Variants in DHX37 observed in about 807,000 individuals in gnomAD.
The protein encoded by DHX37 is DEAH-box helicase 37, also known as probable ATP-dependent RNA helicase DHX37.
DHX37 carries 52 observed loss-of-function variants against 134.3 expected under a neutral mutation model. The observed-to-expected ratio is 0.39, with a 90% CI of 0.31 to 0.49. The LOEUF (loss-of-function observed/expected upper bound fraction) is 0.49. Among genes scored for constraint, DHX37 ranks in the 20% least tolerant of loss-of-function variants. The pLI is 0.93. For missense variants in DHX37, 1,344 were observed against 1,580.8 expected, an observed-to-expected ratio of 0.85 and a Z score of 2.54; for synonymous variants, 634 against 670.7, an observed-to-expected ratio of 0.95 and a Z score of 0.85.
Position 124,947,609 on chromosome 12 carries a change from G to C in DHX37, c.*193C>G. The C allele has an allele frequency of 1.6e-6, 1 of 634,586 alleles. No homozygotes were observed. Among genetic ancestry groups the C allele is most frequent in the South Asian group, 2.6e-5 (1 of 38,980 alleles). 39.3% of individuals were successfully genotyped at this position (634,586 alleles called of 1,614,324 possible). On this transcript the variant is annotated 3_prime_UTR_variant, in exon 27 of 27. Coordinates refer to ENST00000308736, the MANE Select transcript of DHX37 (RefSeq NM_032656.4). The stretch of plus-strand genomic sequence containing the variant: ...ATAAACAGTTCAAAAAGTCACCCCC[G>C]GGCCAGATGGCACGGGCGGCAGCAC...
chr12:124,954,010 A>G lies in DHX37; in HGVS notation c.2579-14T>C. On this transcript the variant is annotated splice_polypyrimidine_tract_variant and intron_variant, in intron 19 of 26. Transcript: ENST00000308736. ...CTCCCACGGCGCCTGGGGAACGAAG[A>G]GGGGGCATGCTCTCTCTCTGACCCA... 1 of 1,613,566 alleles carries G rather than the reference A, an allele frequency of 6.2e-7. No homozygotes were observed. Among genetic ancestry groups the G allele is most frequent in the East Asian group, 2.2e-5 (1 of 44,870 alleles).
chr12:124,971,216 G>A, intron 8 of DHX37, 86 bp downstream of exon 8: 2 of 1,539,354 alleles, frequency 1.3e-6, no homozygotes, highest in Non-Finnish European at 1.8e-6. Context: ...GGTACAACGG[G>A]GAACAGGTGA....
rs138599211 is a variant in DHX37, at chr12:124,950,227, C to T, written c.3138G>A (p.Pro1046=). The change falls in exon 24 of 27, where the codon CCG becomes CCA. Residue 1046 remains proline, a synonymous_variant. Transcript: ENST00000308736. ...RASVFYRVGW[P]LPAIEVDFPE... ...GAAAATCCACCTCGATGGCGGGGAG[C>T]GGCCAGCCCACGCGATCTAGAAGGT... 1.2e-5 allele frequency: 19 copies of T among 1,613,630 alleles called. No homozygotes were observed. The highest frequency in any genetic ancestry group is 1.4e-5 in the Non-Finnish European group (16 of 1,180,034).
intron 13 of DHX37, among the ~76,000 whole-genome samples, chr12:124,965,351 T>G (rs2135946238): frequency 6.6e-6 from 1 of 152,322 alleles, no homozygotes; most frequent in Admixed American, 6.5e-5. Context: ...TACTCTCTGC[T>G]GCCCCACTCA....
At chr12:124,981,641 G>A (rs111838857) in intron 3 of DHX37, among the ~76,000 whole-genome samples, 3,591 of 151,910 alleles carry the variant, frequency 0.024, 122 homozygotes, top group African/African-American at 0.081. Flanking sequence ...CACCATGTTG[G>A]CCATGCTAGT....
chr12:124,980,562 T>C lies in DHX37; in HGVS notation c.666A>G (p.Ala222=). The C allele has an allele frequency of 1.2e-6, 2 of 1,612,038 alleles. No homozygotes were observed. The highest frequency in any genetic ancestry group is 1.7e-6 in the Non-Finnish European group (2 of 1,179,824). ...CCAGGGCCCTGGGCAGTGGTGGGGCTGCAGCTGGAGGAGGAGGAACAGTCA... is the reference window on the plus strand; with the variant it reads ...CCAGGGCCCTGGGCAGTGGTGGGGCCGCAGCTGGAGGAGGAGGAACAGTCA... ...AGMTVPPPPA[A]APPLPRALAK... Residue 222 remains alanine (A), a synonymous_variant, in exon 4 of 27, where the codon GCA becomes GCG. Transcript: ENST00000308736. The surrounding 1 kb of genome is among the most constrained non-coding windows in gnomAD (Gnocchi z 5.3).
rs2135931268 is a variant in DHX37, at chr12:124,954,128, T to C, written c.2537A>G (p.Gln846Arg). ...VAQMKRTWAG[Q>R]GASLKLGDLM... Reference sequence around the variant, plus strand: ...GTCGCCGAGCTTCAGAGAAGCCCCCTGCCCTGCCCAGGTCCTCTTCATCTG... The same window carrying C: ...GTCGCCGAGCTTCAGAGAAGCCCCCCGCCCTGCCCAGGTCCTCTTCATCTG... The change falls in exon 19 of 27, where the codon CAG (glutamine) becomes CGG (arginine). Residue 846 changes from glutamine to arginine, a missense_variant. Physicochemically the swap from Gln to Arg is conservative, Grantham distance 43. Coordinates refer to ENST00000308736, the MANE Select transcript of DHX37 (RefSeq NM_032656.4). 12 of 1,612,500 alleles carry C rather than the reference T, an allele frequency of 7.4e-6. No homozygotes were observed. Among genetic ancestry groups the C allele is most frequent in the Non-Finnish European group, 1.0e-5 (12 of 1,179,282 alleles).
chr12:124,965,686 C>T lies in DHX37; in HGVS notation c.1717G>A (p.Asp573Asn). 6.2e-7 allele frequency: 1 copy of T among 1,609,560 alleles called. No individual in the cohort carries two copies. The highest frequency in any genetic ancestry group is 8.5e-7 in the Non-Finnish European group (1 of 1,177,650). ...GCCACACCTCCATCTTGCCCGCCATCCCCCAGGTCCAGATCGAGGTCGGAG... is the reference window on the plus strand; with the variant it reads ...GCCACACCTCCATCTTGCCCGCCATTCCCCAGGTCCAGATCGAGGTCGGAG... ...LDSDLDLDLG[D>N]GGQDGGEQPD... The change falls in exon 13 of 27, where the codon GAT becomes AAT. Residue 573 changes from aspartate (D) to asparagine (N), a missense_variant. Around this residue, in one of 7 missense-constraint regions of DHX37, gnomAD observed 289 missense variants for 323.8 expected, o/e 0.89. Transcript: ENST00000308736.
At chr12:124,983,596 C>T (rs982135918) in intron 2 of DHX37, among the ~76,000 whole-genome samples, 2 of 151,776 alleles carry the variant, frequency 1.3e-5, no homozygotes, top group African/African-American at 4.8e-5. Flanking sequence ...ACCAACCTAA[C>T]CAACATGGTG....
At position 124,971,429 on chromosome 12, in the gene DHX37, C is replaced by T. The variant is rs373496145; in HGVS notation, c.1078-14G>A. 213 of 1,611,374 alleles carry T rather than the reference C, an allele frequency of 1.3e-4. No homozygotes were observed. The highest frequency in any genetic ancestry group is 1.7e-4 in the Non-Finnish European group (195 of 1,179,368). On this transcript the variant is annotated splice_polypyrimidine_tract_variant and intron_variant, in intron 7 of 26. Coordinates refer to ENST00000308736, the MANE Select transcript of DHX37 (RefSeq NM_032656.4). Reference sequence around the variant, plus strand: ...CAGCAGGAAGTCCTGGGGGGAGGTCCGGGGTGAGGCCCACCCTTCCAGCCT... The same window carrying T: ...CAGCAGGAAGTCCTGGGGGGAGGTCTGGGGTGAGGCCCACCCTTCCAGCCT...
Position 124,988,975 on chromosome 12 carries a change from C to T in DHX37, c.48G>A (p.Ala16=), listed in dbSNP as rs1235139976. 1.5e-6 allele frequency: 2 copies of T among 1,354,714 alleles called. No individual in the cohort carries two copies. Among genetic ancestry groups the T allele is most frequent in the East Asian group, 2.8e-5 (1 of 35,974 alleles). 83.9% of individuals were successfully genotyped at this position (1,354,714 alleles called of 1,614,324 possible). The change falls in exon 1 of 27, where the codon GCG becomes GCA. Residue 16 remains alanine, a synonymous_variant. Coordinates refer to ENST00000308736, the MANE Select transcript of DHX37 (RefSeq NM_032656.4). ...GGGGGCCCTTCGAGGGTCCGGGGCC[C>T]GCCTGCTGGCGCCCCTTGATGTTGT... The part of the protein sequence containing the change: ...RRYNIKGRQQ[A]GPGPSKGPPE...
At chr12:124,986,619 G>A (rs1954878619) in intron 1 of DHX37, among the ~76,000 whole-genome samples, 1 of 151,934 alleles carries the variant, frequency 6.6e-6, no homozygotes, top group African/African-American at 2.4e-5. Context: ...GCTGAGACAG[G>A]AGAATCTCTT....
intron 6 of DHX37, among the ~76,000 whole-genome samples, chr12:124,972,956 ATG>A (rs1426142030): frequency 6.6e-6 from 1 of 152,216 alleles, no homozygotes; most frequent in Non-Finnish European, 1.5e-5. Context: ...CTGCAGCTGT[ATG>A]TGTTTCACAA....
intron 1 of DHX37, 115 bp downstream of exon 1, chr12:124,988,802 C>A: frequency 1.9e-6 from 1 of 516,196 alleles, no homozygotes. Flanking sequence ...CCCATTCCCC[C>A]ATTCCAGATG....
intron 11 of DHX37, 83 bp downstream of exon 11, chr12:124,967,040 G>A (rs1954403715): frequency 1.3e-6 from 2 of 1,554,906 alleles, no homozygotes; most frequent in East Asian, 2.3e-5. Flanking sequence ...GAAGCTCAGA[G>A]GCAGGAGCTG....
chr12:124,948,249 A>C, intron 25 of DHX37, 68 bp from the exon 26 acceptor site: 1 of 1,552,428 alleles, frequency 6.4e-7, no homozygotes, highest in East Asian at 2.3e-5. Flanking sequence ...TGGGGGCCCG[A>C]AAGCAGGGCA....
At chr12:124,952,812 T>C (rs879669268) in intron 20 of DHX37, 69 of 347,510 alleles carry the variant, frequency 2.0e-4, no homozygotes, top group Non-Finnish European at 2.6e-4. Context: ...AGCAGAGCAT[T>C]CTTCGAGGAG....
At chr12:124,965,308 T>C (rs1954359197) in intron 13 of DHX37, among the ~76,000 whole-genome samples, 1 of 152,172 alleles carries the variant, frequency 6.6e-6, no homozygotes, top group Admixed American at 6.5e-5. Flanking sequence ...CCTGGCAGCA[T>C]TGTGGTGGGG....
chr12:124,953,451 C>T (rs1954014456), intron 20 of DHX37: 2 of 179,578 alleles, frequency 1.1e-5, no homozygotes, highest in African/African-American at 2.3e-5. Flanking sequence ...GAGGACATTT[C>T]CTTCCTCTCA....
Sources: gnomAD v4.1 joint callset for allele counts (sites outside exome capture counted in the v4.1 genomes callset) on GRCh38, gnomAD v4.1.1 for gene constraint, gnomAD v4.1.1 regional missense constraint, Gnocchi (gnomAD v3.1) non-coding constraint, MANE v1.5 for transcripts, NCBI Gene and HGNC (gene_info 2026-07-23, HGNC 2026-07-21) for gene names.